Variants in ABCA4 observed in about 807,000 individuals in gnomAD.
The protein encoded by ABCA4 is ATP binding cassette subfamily A member 4.
A neutral mutation model predicts 263.7 loss-of-function variants in ABCA4; 196 were observed. The observed-to-expected ratio is 0.74, with a 90% CI of 0.66 to 0.84. The LOEUF is 0.84. ABCA4 is among the 40% of genes least tolerant of loss of function. The pLI is 0.00. For synonymous variants in ABCA4, 1,133 were observed against 1,094.2 expected (o/e 1.04, Z -0.70); for missense variants, 2,792 against 2,855.1 (o/e 0.98, Z 0.50).
At chr1:94,097,040 C>T (rs1662141798) in intron 6 of ABCA4, among the ~76,000 whole-genome samples, 1 of 152,224 alleles carries the variant, frequency 6.6e-6, no homozygotes, top group African/African-American at 2.4e-5. Flanking sequence ...TTTGTTGCCT[C>T]ACTCTTCTGT....
chr1:94,016,383 G>A (rs929044159), intron 36 of ABCA4, among the ~76,000 whole-genome samples: 1 of 152,152 alleles, frequency 6.6e-6, no homozygotes, highest in Non-Finnish European at 1.5e-5. Context: ...CGTGGGGTGT[G>A]GAGGCCTCAA....
intron 43 of ABCA4, among the ~76,000 whole-genome samples, chr1:94,007,027 A>G (rs968627405): frequency 3.3e-5 from 5 of 152,198 alleles, no homozygotes; most frequent in African/African-American, 4.8e-5. Context: ...TCCAGAATCC[A>G]AGGGCACACG....
Position 94,113,025 on chromosome 1 carries a change from A to C in ABCA4, c.108T>G (p.Phe36Leu). The stretch of plus-strand genomic sequence containing the variant: ...CATTCCTTAACCAGATCAAGACCAG[A>C]AATAAAGATAAAGGCCACACGAGTT... ...VVELVWPLSL[F>L]LVLIWLRNAN... The change falls in exon 2 of 50, where the codon TTT (phenylalanine) becomes TTG (leucine). Residue 36 changes from phenylalanine (F) to leucine (L), a missense_variant. Coordinates refer to ENST00000370225, the MANE Select transcript of ABCA4 (RefSeq NM_000350.3). The C allele has an allele frequency of 6.2e-7, 1 of 1,614,200 alleles. No individual in the cohort carries two copies. The highest frequency in any genetic ancestry group is 8.5e-7 in the Non-Finnish European group (1 of 1,180,014).
intron 38 of ABCA4, 48 bp from the exon 39 acceptor site, chr1:94,011,433 C>G (rs762648096): frequency 1.2e-5 from 19 of 1,603,158 alleles, no homozygotes; most frequent in South Asian, 7.7e-5. Context: ...ACCCCACCCC[C>G]CCTCTCTTCA....
chr1:94,044,774 A>C (rs1660627291), intron 19 of ABCA4, 30 bp from the exon 20 acceptor site: 1 of 1,614,168 alleles, frequency 6.2e-7, no homozygotes, highest in Non-Finnish European at 8.5e-7. Flanking sequence ...GTGGCAGAAG[A>C]GATGGCCTTT....
intron 1 of ABCA4, among the ~76,000 whole-genome samples, chr1:94,114,732 C>A (rs1322204557): frequency 6.6e-6 from 1 of 152,220 alleles, no homozygotes; most frequent in Non-Finnish European, 1.5e-5. Context: ...GGTGATCCGC[C>A]TGCCTCAGCC....
At chr1:94,080,386 G>C (rs1661656594) in intron 8 of ABCA4, 92 bp downstream of exon 8, 2 of 1,557,718 alleles carry the variant, frequency 1.3e-6, no homozygotes, top group Admixed American at 3.3e-5. Flanking sequence ...CAAGACAGAT[G>C]CAACCCCAGG....
intron 26 of ABCA4, among the ~76,000 whole-genome samples, chr1:94,032,483 A>T (rs1660231467): frequency 6.6e-6 from 1 of 152,146 alleles, no homozygotes; most frequent in Non-Finnish European, 1.5e-5. Context: ...CAAAAATACA[A>T]AAATTAGCCA....
chr1:94,005,386 A>C, intron 44 of ABCA4, 55 bp downstream of exon 44: 1 of 1,611,038 alleles, frequency 6.2e-7, no homozygotes, highest in Non-Finnish European at 8.5e-7. Flanking sequence ...CACTCTCATG[A>C]AACAGGCTTG....
chr1:93,995,962 G>GT (rs1316475264), intron 49 of ABCA4, 147 bp downstream of exon 49: 1 of 685,760 alleles, frequency 1.5e-6, no homozygotes, highest in East Asian at 2.7e-5. Context: ...TGAGGATGTG[G>GT]TGGGGACTTG....
At position 94,055,325 on chromosome 1, in the gene ABCA4, G is replaced by C. The variant is rs61754026; in HGVS notation, c.2383-10C>G. On this transcript the variant is annotated splice_polypyrimidine_tract_variant and intron_variant, in intron 15 of 49. Coordinates refer to ENST00000370225, the MANE Select transcript of ABCA4 (RefSeq NM_000350.3). ...CCGGAGACAGTAAGCTCTGCAGTGAGGCGGAGAGGGCACAGAAAAAGAGCA... is the reference window on the plus strand; with the variant it reads ...CCGGAGACAGTAAGCTCTGCAGTGACGCGGAGAGGGCACAGAAAAAGAGCA... The C allele has an allele frequency of 8.1e-6, 13 of 1,613,296 alleles. No homozygotes were observed. The Admixed American group carries it at 2.0e-4, about 25-fold the overall frequency.
In ABCA4 at chr1:94,043,467, A is replaced by T. The variant is rs112300381; in HGVS notation, c.3059T>A (p.Val1020Glu). 6.2e-7 allele frequency: 1 copy of T among 1,614,060 alleles called. No homozygotes were observed. The highest frequency in any genetic ancestry group is 1.3e-5 in the African/African-American group (1 of 74,924). Reference sequence around the variant, plus strand: ...GGCATAGAACAGCATGTGCTCAGCCACCGTGAGGCTAGGAGGATGGGACAA... The same window carrying T: ...GGCATAGAACAGCATGTGCTCAGCCTCCGTGAGGCTAGGAGGATGGGACAA... Reference protein sequence around the residue: ...QHNILFHHLTVAEHMLFYAQL... With the variant: ...QHNILFHHLTEAEHMLFYAQL... Residue 1020 changes from valine to glutamate, a missense_variant, in exon 21 of 50, where the codon GTG becomes GAG. By Grantham distance (121) the Val-to-Glu change is moderately radical. Coordinates refer to ENST00000370225, the MANE Select transcript of ABCA4 (RefSeq NM_000350.3).
intron 11 of ABCA4, among the ~76,000 whole-genome samples, chr1:94,065,769 G>A (rs921656998): frequency 1.3e-5 from 2 of 152,230 alleles, no homozygotes; most frequent in East Asian, 1.9e-4. Context: ...CCACGCTGAT[G>A]AGATATTAAT....
chr1:94,098,686 A>G lies in ABCA4; in HGVS notation c.768+108T>C, dbSNP rs868822517. ...GCCCTGGGAGCCTGGAGCTTTTGCAAGGATTGTCCAGAACACCAGGCTCAC... is the reference window on the plus strand; with the variant it reads ...GCCCTGGGAGCCTGGAGCTTTTGCAGGGATTGTCCAGAACACCAGGCTCAC... On this transcript the variant is annotated intron_variant, in intron 6 of 49. Transcript: ENST00000370225. The G allele has an allele frequency of 1.2e-4, 152 of 1,317,622 alleles. 1 individual carries two copies. In the Middle Eastern group the frequency reaches 4.0e-3, roughly 34 times the overall value. 81.6% of individuals were successfully genotyped at this position (1,317,622 alleles called of 1,614,324 possible).
Position 94,121,090 on chromosome 1 carries a change from T to A in ABCA4, c.-45A>T. On this transcript the variant is annotated 5_prime_UTR_variant, in exon 1 of 50. An upstream open reading frame in the 5' UTR loses its in-frame stop. Coordinates refer to ENST00000370225, the MANE Select transcript of ABCA4 (RefSeq NM_000350.3). The stretch of plus-strand genomic sequence containing the variant: ...CCAGATTGGTCAGAGCTGAGGCCCC[T>A]CAGACAGCAAAGGACATAAACGCCG... 1 of 1,588,190 alleles carries A rather than the reference T, an allele frequency of 6.3e-7. No homozygotes were observed. The highest frequency in any genetic ancestry group is 8.6e-7 in the Non-Finnish European group (1 of 1,156,366).
At chr1:94,081,934 C>T (rs1661713045) in intron 7 of ABCA4, among the ~76,000 whole-genome samples, 1 of 152,216 alleles carries the variant, frequency 6.6e-6, no homozygotes, top group Non-Finnish European at 1.5e-5. Context: ...TGATTACTTG[C>T]TTTGCTTTCA....
intron 36 of ABCA4, chr1:94,019,347 C>G: frequency 3.8e-6 from 2 of 528,800 alleles, no homozygotes; most frequent in South Asian, 4.2e-5. Flanking sequence ...AGAGAGCCCC[C>G]GTTCACCAGT....
intron 45 of ABCA4, 117 bp from the exon 46 acceptor site, chr1:94,001,222 C>T: frequency 1.3e-6 from 1 of 781,414 alleles, no homozygotes; most frequent in Non-Finnish European, 2.1e-6. Flanking sequence ...CACACAGTCA[C>T]TCCCCTCACT....
chr1:94,045,703 T>C, intron 19 of ABCA4: 1 of 454,808 alleles, frequency 2.2e-6, no homozygotes, highest in South Asian at 1.6e-5. Flanking sequence ...GATCAACCAC[T>C]AGAGGGAAAC....
Sources: allele counts gnomAD v4.1 joint callset (sites outside exome capture counted in the v4.1 genomes callset), GRCh38; gene constraint gnomAD v4.1.1; transcripts MANE v1.5; gene names NCBI Gene and HGNC (gene_info 2026-07-23, HGNC 2026-07-21).